The following ARHGEF7 variants were observed in gnomAD, a reference collection of about 807,000 sequenced individuals.
The protein encoded by ARHGEF7 is PAK-interacting exchange factor beta.
A neutral mutation model predicts 109.8 loss-of-function variants in ARHGEF7; 33 were observed. The observed-to-expected ratio is 0.30, with a 90% CI of 0.23 to 0.40. The LOEUF (loss-of-function observed/expected upper bound fraction) is 0.40, where lower values mean the gene tolerates loss of function less well. Ranked by LOEUF, ARHGEF7 falls within the 10% of genes least tolerant of loss-of-function variation. ARHGEF7 has a pLI of 1.00. For missense variants in ARHGEF7, 938 were observed against 1,098.5 expected (o/e 0.85, Z 2.07); for synonymous variants, 458 against 424.6 (o/e 1.08, Z -0.97).
At chr13:111,257,793 A>G (rs890605444) in intron 8 of ARHGEF7, among the ~76,000 whole-genome samples, 1 of 152,240 alleles carries the variant, frequency 6.6e-6, no homozygotes, top group Admixed American at 6.5e-5. Context: ...AGGGCTCAGT[A>G]GTTGTGAGAC....
At chr13:111,117,695 CTCTCTCTCTCTG>C (rs949929206) in intron 1 of ARHGEF7, among the ~76,000 whole-genome samples, 2 of 152,062 alleles carry the variant, frequency 1.3e-5, no homozygotes, top group South Asian at 2.1e-4. Context: ...CTTTCTTTCT[CTCTCTCTCTCTG>C]TCTCTCTCTC....
intron 19 of ARHGEF7, among the ~76,000 whole-genome samples, chr13:111,300,314 A>C (rs915777389): frequency 2.0e-5 from 3 of 152,234 alleles, no homozygotes; most frequent in African/African-American, 7.2e-5. Context: ...GTTGCTGTAG[A>C]GTAAAATGTT....
At chr13:111,221,413 ATGTC>A (rs1158712425) in intron 5 of ARHGEF7, among the ~76,000 whole-genome samples, 8 of 16,162 alleles carry the variant, frequency 4.9e-4, no homozygotes, top group Admixed American at 2.5e-3. Flanking sequence ...ATATATATAG[ATGTC>A]TATATATCTA....
chr13:111,204,956 C>T (rs1318145846), intron 2 of ARHGEF7, among the ~76,000 whole-genome samples: 4 of 148,860 alleles, frequency 2.7e-5, no homozygotes, highest in East Asian at 2.0e-4. Flanking sequence ...AGGAGGATTG[C>T]GCAAGCACCG....
At chr13:111,284,296 G>C (rs116168313) in intron 16 of ARHGEF7, among the ~76,000 whole-genome samples, 162 of 152,242 alleles carry the variant, frequency 1.1e-3, no homozygotes, top group African/African-American at 3.8e-3. Context: ...CTACATTCTT[G>C]CCGGCAGCCC....
At chr13:111,221,220 T>G (rs1380027966) in intron 5 of ARHGEF7, among the ~76,000 whole-genome samples, 27 of 58,312 alleles carry the variant, frequency 4.6e-4, no homozygotes, top group African/African-American at 8.6e-4. Flanking sequence ...TATATGTCTA[T>G]ATATATCTAT....
chr13:111,138,301 G>A (rs1185803699), intron 1 of ARHGEF7, among the ~76,000 whole-genome samples: 4 of 151,872 alleles, frequency 2.6e-5, no homozygotes, highest in African/African-American at 7.3e-5. Flanking sequence ...CAACAAGAGC[G>A]AAACTCTGTC....
chr13:111,200,526 T>C (rs1389093120), intron 2 of ARHGEF7, among the ~76,000 whole-genome samples: 1 of 151,962 alleles, frequency 6.6e-6, no homozygotes, highest in Admixed American at 6.6e-5. Flanking sequence ...CTTTAGAGGT[T>C]AGCTGATTCA....
At position 111,204,055 on chromosome 13, in the gene ARHGEF7, TG is replaced by T. The variant is rs767150847; in HGVS notation, c.253-1229del. On this transcript the variant is annotated intron_variant, in intron 2 of 21. Transcript: ENST00000646102. ...CATCAAACTATCATGACACGTGTTC[TG>T]GGGGAGCCTGGCTGGGGACCTGACC... Among the ~76,000 whole-genome samples the T allele has an allele frequency of 4.6e-5, 7 of 152,158 alleles. 1 individual carries two copies. Among genetic ancestry groups the T allele is most frequent in the African/African-American group, 7.2e-5 (3 of 41,524 alleles).
intron 2 of ARHGEF7, chr13:111,187,116 C>A: frequency 1.6e-6 from 1 of 629,788 alleles, no homozygotes; most frequent in Non-Finnish European, 2.0e-6. Context: ...TTTGTGTGGC[C>A]CTAGTGCTAC....
At chr13:111,210,263 G>A (rs1171668223) in intron 4 of ARHGEF7, among the ~76,000 whole-genome samples, 3 of 152,196 alleles carry the variant, frequency 2.0e-5, no homozygotes, top group Non-Finnish European at 4.4e-5. Context: ...TATCTGGAGT[G>A]ATGCTGCTTT....
At chr13:111,302,399 T>C (rs77945763) in intron 21 of ARHGEF7, among the ~76,000 whole-genome samples, 3,654 of 152,302 alleles carry the variant, frequency 0.024, 151 homozygotes, top group African/African-American at 0.084. Context: ...GATAGAGAGC[T>C]GAGAGCAGGT....
chr13:111,145,558 A>G lies in ARHGEF7; in HGVS notation c.166-8347A>G, dbSNP rs117275015. Among the ~76,000 whole-genome samples the G allele has an allele frequency of 0.028, 4,213 of 152,166 alleles. 75 individuals carry two copies. Among genetic ancestry groups the G allele is most frequent in the Middle Eastern group, 0.095 (28 of 294 alleles). The stretch of plus-strand genomic sequence containing the variant: ...AATGTTAAACACCTGGCTGTCTGGG[A>G]GGGGTGGCCCTGGCGTGTACCGTTT... On this transcript the variant is annotated intron_variant, in intron 1 of 21. Transcript: ENST00000646102. The surrounding 1 kb of genome is among the most constrained non-coding windows in gnomAD (Gnocchi z 4.3).
chr13:111,211,969 C>T (rs990693657), intron 4 of ARHGEF7, among the ~76,000 whole-genome samples: 2 of 152,152 alleles, frequency 1.3e-5, no homozygotes, highest in East Asian at 1.9e-4. Flanking sequence ...ATCCCCCAGG[C>T]GAGGATCTGT....
chr13:111,233,457 C>G (rs1021578204), intron 6 of ARHGEF7, among the ~76,000 whole-genome samples, 164 bp downstream of exon 6: 1 of 152,166 alleles, frequency 6.6e-6, no homozygotes, highest in African/African-American at 2.4e-5. Context: ...CTGTTTCCTT[C>G]TAATCTCTGT....
intron 5 of ARHGEF7, among the ~76,000 whole-genome samples, chr13:111,222,418 GTTTA>G (rs2084569720): frequency 6.6e-6 from 1 of 152,018 alleles, no homozygotes; most frequent in African/African-American, 2.4e-5. Flanking sequence ...TTTTATTTTA[GTTTA>G]TTTATTTTTA....
intron 16 of ARHGEF7, 75 bp downstream of exon 16, chr13:111,283,438 G>T (rs1288893366): frequency 3.3e-5 from 50 of 1,502,034 alleles, no homozygotes; most frequent in Non-Finnish European, 3.8e-5. Context: ...CCACGTGCTG[G>T]GCCTTCTGTG....
At chr13:111,278,278 G>A (rs899158786) in intron 13 of ARHGEF7, among the ~76,000 whole-genome samples, 18 of 152,142 alleles carry the variant, frequency 1.2e-4, no homozygotes, top group African/African-American at 3.4e-4. Context: ...TGGTATTTTC[G>A]CTGTCTGTCT....
rs778481521 is a variant in ARHGEF7 at position 111,115,507 on chromosome 13, C to T, written c.-20C>T. ...GGTGAAGGCGCGCGCCCCTCCCCGC[C>T]TGCCTCCCGGGCCGCAGCGATGAAT... is the stretch of plus-strand genomic sequence containing the variant. On this transcript the variant is annotated 5_prime_UTR_variant, in exon 1 of 22. Coordinates refer to ENST00000646102, the MANE Select transcript of ARHGEF7 (RefSeq NM_001354046.2). 22 of 1,289,398 alleles carry T rather than the reference C, an allele frequency of 1.7e-5. No individual in the cohort carries two copies. Among genetic ancestry groups the T allele is most frequent in the Admixed American group, 7.1e-5 (3 of 42,362 alleles). The allele number at this position is 1,289,398 out of a possible 1,614,324, so 79.9% of individuals were successfully genotyped here. A position where few individuals can be genotyped will look rare whatever the true frequency, so the allele number is the denominator to read the frequency against.
Sources: gnomAD v4.1 joint callset for allele counts (sites outside exome capture counted in the v4.1 genomes callset) on GRCh38, gnomAD v4.1.1 for gene constraint, Gnocchi (gnomAD v3.1) non-coding constraint, MANE v1.5 for transcripts, NCBI Gene and HGNC (gene_info 2026-07-23, HGNC 2026-07-21) for gene names.